The following UBE2L3 variants were observed in gnomAD, a reference collection of about 807,000 sequenced individuals.
UBE2L3 encodes ubiquitin-conjugating enzyme E2 L3.
A neutral mutation model predicts 17.8 loss-of-function variants in UBE2L3; 1 was observed. The ratio of observed to expected loss-of-function variants is 0.06; its 90% CI spans 0.02 to 0.27. The LOEUF (loss-of-function observed/expected upper bound fraction) is 0.27, where lower values mean the gene tolerates loss of function less well. UBE2L3 is among the 10% of genes least tolerant of loss of function. The pLI is 1.00. For missense variants in UBE2L3, 40 were observed against 192.6 expected, an observed-to-expected ratio of 0.21 and a Z score of 4.69; for synonymous variants, 44 against 68.5, an observed-to-expected ratio of 0.64 and a Z score of 1.76.
intron 1 of UBE2L3, 85 bp from the exon 2 acceptor site, chr22:21,592,776 G>C (rs1928332187): frequency 1.3e-5 from 14 of 1,088,516 alleles, no homozygotes; most frequent in Non-Finnish European, 1.8e-5. Context: ...TTTGGCACTT[G>C]GTTTAATTTG....
chr22:21,559,975 G>C (rs1926373279), intron 1 of UBE2L3, among the ~76,000 whole-genome samples: 2 of 152,296 alleles, frequency 1.3e-5, no homozygotes, highest in Admixed American at 6.5e-5. Context: ...TCCTGGGCCA[G>C]GAGGGTAGTA....
intron 3 of UBE2L3, among the ~76,000 whole-genome samples, chr22:21,618,173 G>A (rs1369493101): frequency 6.7e-6 from 1 of 149,632 alleles, no homozygotes; most frequent in Non-Finnish European, 1.5e-5. Flanking sequence ...AGAGTGAGAC[G>A]CCATCTCAAT....
At chr22:21,598,541 CTTTTT>C (rs60333124) in intron 2 of UBE2L3, among the ~76,000 whole-genome samples, 1 of 129,078 alleles carries the variant, frequency 7.7e-6, no homozygotes, top group Admixed American at 7.8e-5. Context: ...TTTCCCTTTC[CTTTTT>C]TTTTTTTTTT....
chr22:21,619,422 C>T (rs1417976359), intron 3 of UBE2L3, among the ~76,000 whole-genome samples: 1 of 152,156 alleles, frequency 6.6e-6, no homozygotes, highest in East Asian at 1.9e-4. Context: ...ACAGTCCACC[C>T]TCCTTGCCCA....
intron 1 of UBE2L3, among the ~76,000 whole-genome samples, chr22:21,588,006 G>C (rs951074394): frequency 1.3e-5 from 2 of 152,342 alleles, no homozygotes; most frequent in Admixed American, 1.3e-4. Flanking sequence ...GAAGCCTGCT[G>C]TCCCCATCAA....
chr22:21,573,182 A>C (rs568599677), intron 1 of UBE2L3, among the ~76,000 whole-genome samples: 1 of 152,304 alleles, frequency 6.6e-6, no homozygotes, highest in South Asian at 2.1e-4. Flanking sequence ...AGAAGTGCAC[A>C]TGAGCAGGCC....
intron 1 of UBE2L3, chr22:21,568,116 A>C: frequency 9.4e-6 from 10 of 1,069,026 alleles, no homozygotes; most frequent in Non-Finnish European, 1.0e-5. Context: ...GGAGGCTCCA[A>C]ACCGGGCGCC....
intron 1 of UBE2L3, among the ~76,000 whole-genome samples, chr22:21,576,830 G>C (rs1601401282): frequency 8.1e-6 from 1 of 123,920 alleles, no homozygotes; most frequent in Non-Finnish European, 1.6e-5. Context: ...TTGAGACGCA[G>C]TCTCGCTCTG....
At chr22:21,595,621 C>G (rs898026575) in intron 2 of UBE2L3, among the ~76,000 whole-genome samples, 2 of 152,190 alleles carry the variant, frequency 1.3e-5, no homozygotes, top group Non-Finnish European at 2.9e-5. Context: ...TTCATTGTTG[C>G]CAACGCAACT....
chr22:21,568,337 C>T (rs999526831), intron 1 of UBE2L3: 1 of 985,506 alleles, frequency 1.0e-6, no homozygotes, highest in Admixed American at 6.1e-5. Context: ...GCGCTGGGTC[C>T]TAGCAAACTG....
chr22:21,619,018 A>C (rs2148450036), intron 3 of UBE2L3, among the ~76,000 whole-genome samples: 1 of 152,314 alleles, frequency 6.6e-6, no homozygotes, highest in Non-Finnish European at 1.5e-5. Context: ...TGAGGTTTCT[A>C]AAATGCTAAT....
chr22:21,577,004 T>G lies in UBE2L3; in HGVS notation c.27+9233T>G, dbSNP rs1927345915. On this transcript the variant is annotated intron_variant, in intron 1 of 3. Coordinates refer to ENST00000342192, the MANE Select transcript of UBE2L3 (RefSeq NM_003347.4). ...TTTTTTTTGAGATGGAGTCTCGCTG[T>G]GTTGCCCAGGCTGGAGTGCAGTGGT... Among the ~76,000 whole-genome samples, 6 of 149,498 alleles carry G rather than the reference T, an allele frequency of 4.0e-5. No individual in the cohort carries two copies. The South Asian group carries it at 1.3e-3, about 32-fold the overall frequency.
intron 2 of UBE2L3, among the ~76,000 whole-genome samples, chr22:21,605,459 C>T (rs1470238676): frequency 1.3e-5 from 2 of 152,116 alleles, no homozygotes; most frequent in African/African-American, 4.8e-5. Context: ...TCTCGTGATC[C>T]ACCTGCCTCG....
chr22:21,589,397 T>C (rs1928136205), intron 1 of UBE2L3, among the ~76,000 whole-genome samples: 1 of 152,006 alleles, frequency 6.6e-6, no homozygotes, highest in Admixed American at 6.6e-5. Flanking sequence ...TCCGCCCACC[T>C]CGGCCTCCCG....
intron 1 of UBE2L3, among the ~76,000 whole-genome samples, chr22:21,556,720 C>T (rs1926243674): frequency 6.6e-6 from 1 of 152,088 alleles, no homozygotes; most frequent in East Asian, 1.9e-4. Flanking sequence ...CCTCGGCCTC[C>T]CAAAGTACTG....
At chr22:21,585,667 T>C (rs566753088) in intron 1 of UBE2L3, among the ~76,000 whole-genome samples, 1 of 152,142 alleles carries the variant, frequency 6.6e-6, no homozygotes, top group Admixed American at 6.6e-5. Flanking sequence ...AGAGAGGCTT[T>C]CAATGATGAG....
intron 2 of UBE2L3, among the ~76,000 whole-genome samples, chr22:21,602,878 G>A (rs1189616838): frequency 1.3e-5 from 2 of 152,258 alleles, no homozygotes; most frequent in Admixed American, 1.3e-4. Context: ...AGATGTGGGG[G>A]GTTGTGTTCC....
At chr22:21,559,402 A>G (rs1370619267) in intron 1 of UBE2L3, among the ~76,000 whole-genome samples, 2 of 151,052 alleles carry the variant, frequency 1.3e-5, no homozygotes, top group Non-Finnish European at 2.9e-5. Context: ...GTGATGGATT[A>G]CATGAATGGT....
At position 21,582,579 on chromosome 22, in the gene UBE2L3, G is replaced by A. The variant is rs556923214; in HGVS notation, c.28-10282G>A. On this transcript the variant is annotated intron_variant, in intron 1 of 3. Coordinates refer to ENST00000342192, the MANE Select transcript of UBE2L3 (RefSeq NM_003347.4). ...TCACTATTGTTGCCCAGCCTGGAGTGCAATGGCGCGATCTCGGCTCACTGC... is the reference window on the plus strand; with the variant it reads ...TCACTATTGTTGCCCAGCCTGGAGTACAATGGCGCGATCTCGGCTCACTGC... 6.4e-4 allele frequency among the ~76,000 whole-genome samples: 97 copies of A among 152,176 alleles called. 2 individuals carry two copies. Among genetic ancestry groups the A allele is most frequent in the African/African-American group, 2.0e-3 (83 of 41,524 alleles).
Sources: allele counts gnomAD v4.1 joint callset (sites outside exome capture counted in the v4.1 genomes callset), GRCh38; gene constraint gnomAD v4.1.1; transcripts MANE v1.5; gene names NCBI Gene and HGNC (gene_info 2026-07-23, HGNC 2026-07-21).